The following PPP6R2 variants were observed in gnomAD, a reference collection of about 807,000 sequenced individuals.
The protein encoded by PPP6R2 is serine/threonine-protein phosphatase 6 regulatory subunit 2.
In PPP6R2, 62 loss-of-function variants were observed where a neutral mutation model predicts 100.2. The ratio of observed to expected loss-of-function variants is 0.62; its 90% CI spans 0.50 to 0.76. PPP6R2 has a LOEUF of 0.76. PPP6R2 is among the 30% of genes least tolerant of loss of function. The probability of loss-of-function intolerance (pLI) is 0.00; values close to 1 mark genes in which losing one functional copy is unlikely to be tolerated. For missense variants in PPP6R2, 1,142 were observed against 1,276.3 expected, an observed-to-expected ratio of 0.89 and a Z score of 1.60; for synonymous variants, 525 against 514.7, an observed-to-expected ratio of 1.02 and a Z score of -0.27.
intron 1 of PPP6R2, among the ~76,000 whole-genome samples, chr22:50,350,151 C>T (rs2044712960): frequency 6.6e-6 from 1 of 152,090 alleles, no homozygotes; most frequent in African/African-American, 2.4e-5. Context: ...TTTATTTGCT[C>T]ATTCATTAAA....
chr22:50,334,859 T>C, the PPP6R2 span, among the ~76,000 whole-genome samples: 1 of 151,834 alleles, frequency 6.6e-6, no homozygotes, highest in East Asian at 1.9e-4. Flanking sequence ...CCCAGCTACT[T>C]AGGAGACTGA....
In PPP6R2 at chr22:50,438,716, G is replaced by A. The variant is rs138203186; in HGVS notation, c.2082G>A (p.Pro694=). The A allele has an allele frequency of 2.6e-4, 412 of 1,612,698 alleles. No individual in the cohort carries two copies. Among genetic ancestry groups the A allele is most frequent in the Non-Finnish European group, 3.4e-4 (400 of 1,179,522 alleles). ...ATGCACCTGGGGCAGGTGCCCCACCGGCCCCCGGGAAGAAGGAAGCGCCCC... is the reference window on the plus strand; with the variant it reads ...ATGCACCTGGGGCAGGTGCCCCACCAGCCCCCGGGAAGAAGGAAGCGCCCC... ...HRDAPGAGAP[P]APGKKEAPPV... Residue 694 remains proline (P), a synonymous_variant, in exon 19 of 24, where the codon CCG becomes CCA. Coordinates refer to ENST00000612753, the MANE Select transcript of PPP6R2 (RefSeq NM_001242898.2).
chr22:50,410,634 C>CT (rs766448012), intron 4 of PPP6R2, among the ~76,000 whole-genome samples: 1 of 150,232 alleles, frequency 6.7e-6, no homozygotes. Context: ...GAGTGAGATT[C>CT]TGTCTCCAAA....
chr22:50,422,422 G>A (rs761598293), intron 9 of PPP6R2, 42 bp downstream of exon 9: 20 of 1,603,472 alleles, frequency 1.2e-5, no homozygotes, highest in Middle Eastern at 1.7e-4. Context: ...TGGAGGCGTC[G>A]CAGGAGAGGT....
chr22:50,352,055 A>G (rs2148105620), intron 1 of PPP6R2, among the ~76,000 whole-genome samples: 1 of 152,060 alleles, frequency 6.6e-6, no homozygotes, highest in East Asian at 1.9e-4. Context: ...TCGGCCTCCC[A>G]AAGTGCTGGG....
In PPP6R2 at chr22:50,348,177, A is replaced by C. The variant is rs1248680558; in HGVS notation, c.-148+4627A>C. Among the ~76,000 whole-genome samples the C allele has an allele frequency of 2.6e-5, 4 of 152,144 alleles. No individual in the cohort carries two copies. The East Asian group carries it at 5.8e-4, about 22-fold the overall frequency. On this transcript the variant is annotated intron_variant, in intron 1 of 23. Transcript: ENST00000612753. ...GGGCTGGAAAGTTGGTTTTCTCATT[A>C]AGCCGTTCCTTGCAGGTGTTAGTAG...
intron 3 of PPP6R2, among the ~76,000 whole-genome samples, chr22:50,399,834 C>A (rs1467355182): frequency 6.6e-6 from 1 of 152,214 alleles, no homozygotes; most frequent in East Asian, 1.9e-4. Context: ...ACTGCCTGCC[C>A]AGGCCACAGC....
chr22:50,394,281 C>T, intron 3 of PPP6R2, 146 bp downstream of exon 3: 1 of 1,276,404 alleles, frequency 7.8e-7, no homozygotes, highest in Non-Finnish European at 1.1e-6. Flanking sequence ...GAGGAGGGCA[C>T]TCCCATGGGG....
At chr22:50,384,586 A>G (rs181196362) in intron 2 of PPP6R2, among the ~76,000 whole-genome samples, 69 of 152,286 alleles carry the variant, frequency 4.5e-4, no homozygotes, top group Non-Finnish European at 8.2e-4. Flanking sequence ...TTTATTTCAT[A>G]TGGTTATGGA....
intron 3 of PPP6R2, among the ~76,000 whole-genome samples, chr22:50,394,600 TAAAAAA>T (rs67708136): frequency 3.7e-5 from 3 of 80,566 alleles, no homozygotes; most frequent in African/African-American, 1.6e-4. Context: ...ACCCTGTCTT[TAAAAAA>T]AAAAAAAAAA....
At position 50,406,872 on chromosome 22, in the gene PPP6R2, A is replaced by C. The variant is rs769834075; in HGVS notation, c.411A>C (p.Glu137Asp). The C allele has an allele frequency of 1.2e-6, 2 of 1,613,342 alleles. No individual in the cohort carries two copies. The highest frequency in any genetic ancestry group is 2.7e-5 in the African/African-American group (2 of 74,896). The part of the protein sequence containing the change: ...TIGNLIARKT[E>D]QVITFLKKKD... Reference sequence around the variant, plus strand: ...GCAATCTCATTGCAAGAAAAACCGAACAGGTAAATCACGTGCAAAGCCTCC... The same window carrying C: ...GCAATCTCATTGCAAGAAAAACCGACCAGGTAAATCACGTGCAAAGCCTCC... The change falls in exon 4 of 24, where the codon GAA (glutamate) becomes GAC (aspartate). Residue 137 changes from glutamate (E) to aspartate (D), a missense_variant. Physicochemically the swap from Glu to Asp is conservative, Grantham distance 45. This residue lies in a region of PPP6R2 where 592 missense variants were observed against 758.9 expected (regional missense o/e 0.78). Transcript: ENST00000612753.
intron 1 of PPP6R2, among the ~76,000 whole-genome samples, chr22:50,365,974 C>A (rs2048691929): frequency 6.6e-6 from 1 of 152,004 alleles, no homozygotes; most frequent in Admixed American, 6.6e-5. Flanking sequence ...TTTTCTTTTC[C>A]TGCTCCCTTG....
intron 1 of PPP6R2, among the ~76,000 whole-genome samples, chr22:50,349,861 G>A (rs906132751): frequency 1.2e-4 from 17 of 146,116 alleles, no homozygotes; most frequent in Admixed American, 6.9e-4. Context: ...GGTGGCCCAC[G>A]CCTGTAATCA....
chr22:50,375,571 A>G (rs1188938183), intron 2 of PPP6R2, among the ~76,000 whole-genome samples: 1 of 152,120 alleles, frequency 6.6e-6, no homozygotes, highest in Admixed American at 6.6e-5. Flanking sequence ...TGTGCCTCAC[A>G]CCGTTCCTTG....
the PPP6R2 span, among the ~76,000 whole-genome samples, chr22:50,334,141 A>G: frequency 6.6e-6 from 1 of 152,280 alleles, no homozygotes; most frequent in African/African-American, 2.4e-5. Context: ...ACAGCATCAC[A>G]GAGACGTTTA....
At position 50,431,118 on chromosome 22, in the gene PPP6R2, T is replaced by G. The variant is rs949126451; in HGVS notation, c.1126-55T>G. The G allele has an allele frequency of 3.8e-5, 54 of 1,430,382 alleles. No individual in the cohort carries two copies. Among genetic ancestry groups the G allele is most frequent in the Non-Finnish European group, 5.3e-5 (54 of 1,024,046 alleles). The allele number at this position is 1,430,382 out of a possible 1,614,324, so 88.6% of individuals were successfully genotyped here. On this transcript the variant is annotated intron_variant, in intron 10 of 23. Transcript: ENST00000612753. This position sits in a 1 kb window ranked among gnomAD's most constrained non-coding sequence, Gnocchi z 4.8. Reference sequence around the variant, plus strand: ...AAGGGTTTCCCTCAGCTTTGTGGTGTAGCCGGCAGGAGAAAACCGATCTAA... The same window carrying G: ...AAGGGTTTCCCTCAGCTTTGTGGTGGAGCCGGCAGGAGAAAACCGATCTAA...
At chr22:50,396,195 CAAA>C (rs528437459) in intron 3 of PPP6R2, among the ~76,000 whole-genome samples, 5 of 51,602 alleles carry the variant, frequency 9.7e-5, no homozygotes, top group Admixed American at 2.8e-4. Flanking sequence ...GACTCTGGCT[CAAA>C]AAAAAAAAAA....
the PPP6R2 span, among the ~76,000 whole-genome samples, chr22:50,337,905 TG>T: frequency 7.9e-6 from 1 of 126,962 alleles, no homozygotes; most frequent in Non-Finnish European, 1.7e-5. Context: ...GTGGTCTGTG[TG>T]GTGTAGTGTG....
At chr22:50,337,919 TG>T in the PPP6R2 span, among the ~76,000 whole-genome samples, 1 of 137,040 alleles carries the variant, frequency 7.3e-6, no homozygotes, top group Non-Finnish European at 1.6e-5. Context: ...GTAGTGTGTG[TG>T]GTGTGTGGGG....
Sources: allele counts gnomAD v4.1 joint callset (sites outside exome capture counted in the v4.1 genomes callset), GRCh38; gene constraint gnomAD v4.1.1; regional missense constraint gnomAD v4.1.1; non-coding constraint Gnocchi (gnomAD v3.1); transcripts MANE v1.5; gene names NCBI Gene and HGNC (gene_info 2026-07-23, HGNC 2026-07-21).